Variants in SOX6 observed in about 807,000 individuals in gnomAD.
SOX6 encodes the protein transcription factor SOX-6.
Under a neutral mutation model 97.8 loss-of-function variants are expected in SOX6, and 11 were observed. That is an observed-to-expected ratio of 0.11 (90% CI 0.07 to 0.19). SOX6 has a LOEUF of 0.19. Ranked by LOEUF, SOX6 falls within the 10% of genes least tolerant of loss-of-function variation. The pLI is 1.00. For synonymous variants in SOX6, 360 were observed against 371.4 expected, an observed-to-expected ratio of 0.97 and a Z score of 0.35; for missense variants, 810 against 1,039.5, an observed-to-expected ratio of 0.78 and a Z score of 3.04.
At chr11:16,030,150 A>G (rs1590143053) in intron 12 of SOX6, among the ~76,000 whole-genome samples, 1 of 152,192 alleles carries the variant, frequency 6.6e-6, no homozygotes, top group African/African-American at 2.4e-5. Flanking sequence ...GCAATGTGAC[A>G]TGAAGGGGTG....
At chr11:16,697,820 C>G (rs944482986) in intron 3 of SOX6, among the ~76,000 whole-genome samples, 1 of 152,156 alleles carries the variant, frequency 6.6e-6, no homozygotes, top group African/African-American at 2.4e-5. Flanking sequence ...TCTTGGGTAA[C>G]CAGGTGCACT....
intron 3 of SOX6, chr11:16,283,758 T>TAA (rs2134246632): frequency 3.8e-6 from 1 of 260,618 alleles, no homozygotes; most frequent in African/African-American, 2.3e-5. Context: ...ATATTTACCA[T>TAA]ATTTTCTTGT....
intron 4 of SOX6, among the ~76,000 whole-genome samples, chr11:16,206,186 T>A (rs115627882): frequency 0.021 from 3,241 of 152,250 alleles, 130 homozygotes; most frequent in African/African-American, 0.074. Context: ...TTTTTGTTAA[T>A]TTTAAGAGTA....
At chr11:16,077,875 C>A (rs141765113) in intron 9 of SOX6, among the ~76,000 whole-genome samples, 1 of 151,888 alleles carries the variant, frequency 6.6e-6, no homozygotes, top group African/African-American at 2.4e-5. Context: ...ATTACCTGGG[C>A]GATGAAATAA....
intron 1 of SOX6, among the ~76,000 whole-genome samples, chr11:16,442,795 T>A (rs1859530405): frequency 6.6e-6 from 1 of 152,202 alleles, no homozygotes; most frequent in South Asian, 2.1e-4. Context: ...CAGTTTAACA[T>A]CTCATCTACT....
In SOX6 at chr11:15,988,915, T is replaced by C. The variant is rs1352280655; in HGVS notation, c.1966+82A>G. The stretch of plus-strand genomic sequence containing the variant: ...GCCACAATCTCCCTTAGGATCCTAG[T>C]TATCCCCTTGCTTCCCACCCTGGTG... On this transcript the variant is annotated intron_variant, in intron 14 of 15. Transcript: ENST00000683767. The C allele has an allele frequency of 8.1e-6, 11 of 1,363,884 alleles. No individual in the cohort carries two copies. The East Asian group carries it at 2.5e-4, about 31-fold the overall frequency. 84.5% of individuals were successfully genotyped at this position (1,363,884 alleles called of 1,614,324 possible).
chr11:16,040,187 T>C (rs1163747468), intron 12 of SOX6, among the ~76,000 whole-genome samples: 1 of 152,092 alleles, frequency 6.6e-6, no homozygotes, highest in Non-Finnish European at 1.5e-5. Context: ...CAAGGCTTTA[T>C]ATTTATTCCT....
chr11:16,107,407 A>G (rs2351681), intron 7 of SOX6, among the ~76,000 whole-genome samples: 11,565 of 144,398 alleles, frequency 0.08, 976 homozygotes, highest in East Asian at 0.37. Context: ...ATATATATGT[A>G]TATATATATA....
At position 16,697,604 on chromosome 11, in the gene SOX6, T is replaced by C. The variant is rs527921375; in HGVS notation, n.429+17226A>G. Reference sequence around the variant, plus strand: ...CAGCCTGGGTGACAGAGTGAGACTCTATCTCAAAAAAAGAAGAAAGATTTT... The same window carrying C: ...CAGCCTGGGTGACAGAGTGAGACTCCATCTCAAAAAAAGAAGAAAGATTTT... On this transcript the variant is annotated intron_variant and non_coding_transcript_variant, in intron 3 of 5. Coordinates refer to the SOX6 transcript ENST00000524520. Among the ~76,000 whole-genome samples, 6 of 152,296 alleles carry C rather than the reference T, an allele frequency of 3.9e-5. No individual in the cohort carries two copies. In the East Asian group the frequency reaches 5.8e-4, roughly 15 times the overall value.
intron 13 of SOX6, among the ~76,000 whole-genome samples, chr11:16,000,641 C>T (rs909112670): frequency 1.3e-5 from 2 of 152,110 alleles, no homozygotes; most frequent in African/African-American, 4.8e-5. Context: ...AAACAAATCC[C>T]TATTTACTTC....
chr11:16,055,594 C>G (rs974606609), intron 10 of SOX6, among the ~76,000 whole-genome samples, 158 bp downstream of exon 10: 2 of 152,198 alleles, frequency 1.3e-5, no homozygotes, highest in Admixed American at 6.5e-5. Flanking sequence ...ACCTGTTTCT[C>G]AATGCTCAAT....
chr11:16,730,150 G>A (rs999224304), intron 2 of SOX6, among the ~76,000 whole-genome samples: 3 of 151,892 alleles, frequency 2.0e-5, no homozygotes, highest in Non-Finnish European at 4.4e-5. Flanking sequence ...AATAGTGGGA[G>A]ACTTTAACAC....
chr11:16,121,487 G>C (rs1260432031), intron 6 of SOX6, among the ~76,000 whole-genome samples: 1 of 151,926 alleles, frequency 6.6e-6, no homozygotes, highest in South Asian at 2.1e-4. Context: ...GTGCCTTAAA[G>C]ACATCTATAG....
chr11:16,028,765 G>A (rs1000897024), intron 12 of SOX6, among the ~76,000 whole-genome samples: 3 of 152,176 alleles, frequency 2.0e-5, no homozygotes, highest in Non-Finnish European at 4.4e-5. Context: ...AGCAAACAGA[G>A]CGGATGGGTG....
chr11:16,500,979 CA>C (rs1414866933), intron 4 of SOX6, among the ~76,000 whole-genome samples: 3 of 151,984 alleles, frequency 2.0e-5, no homozygotes, highest in African/African-American at 2.4e-5. Context: ...CATATGGAAC[CA>C]AAAAAGAGCC....
intron 1 of SOX6, among the ~76,000 whole-genome samples, chr11:16,350,580 T>G (rs970833800): frequency 1.3e-5 from 2 of 152,250 alleles, no homozygotes; most frequent in East Asian, 1.9e-4. Context: ...ATTTAATCAA[T>G]TCCTGAAATT....
chr11:16,521,030 T>C (rs917511507), intron 4 of SOX6, among the ~76,000 whole-genome samples: 20 of 152,326 alleles, frequency 1.3e-4, no homozygotes, highest in African/African-American at 4.6e-4. Flanking sequence ...CCTGCCTCTG[T>C]AGGCTCCACC....
chr11:16,568,494 T>C lies in SOX6; in HGVS notation n.609+43587A>G, dbSNP rs572650053. On this transcript the variant is annotated intron_variant and non_coding_transcript_variant, in intron 4 of 5. Transcript: ENST00000524520. ...TTTTCATTTCAGGTGATGAAAATGT[T>C]TTGGAACAAGATAGGTGTGATGGTT... Among the ~76,000 whole-genome samples the C allele has an allele frequency of 2.6e-5, 4 of 152,278 alleles. No homozygotes were observed. The South Asian group carries it at 8.3e-4, about 32-fold the overall frequency.
At chr11:16,213,918 T>TA (rs1852296570) in intron 4 of SOX6, among the ~76,000 whole-genome samples, 2 of 152,192 alleles carry the variant, frequency 1.3e-5, no homozygotes, top group South Asian at 4.1e-4. Flanking sequence ...AGAAACGTCT[T>TA]GTTATATATA....
Sources: gnomAD v4.1 joint callset for allele counts (sites outside exome capture counted in the v4.1 genomes callset) on GRCh38, gnomAD v4.1.1 for gene constraint, MANE v1.5 for transcripts, NCBI Gene and HGNC (gene_info 2026-07-23, HGNC 2026-07-21) for gene names.